CTNNA3: variants seen among roughly 807,000 people sequenced by gnomAD.
CTNNA3 encodes catenin alpha-3.
CTNNA3 carries 76 observed loss-of-function variants against 95.7 expected under a neutral mutation model. That is an observed-to-expected ratio of 0.79 (90% CI 0.66 to 0.96). The LOEUF is 0.96. CTNNA3 is among the 40% of genes least tolerant of loss of function. The pLI is 0.00. For synonymous variants in CTNNA3, 431 were observed against 374.4 expected (o/e 1.15, Z -1.74); for missense variants, 1,191 against 1,089.8 (o/e 1.09, Z -1.31).
intron 9 of CTNNA3, among the ~76,000 whole-genome samples, chr10:66,636,862 T>G (rs1040545504): frequency 6.6e-6 from 1 of 152,132 alleles, no homozygotes; most frequent in African/African-American, 2.4e-5. Flanking sequence ...ACACAAAACA[T>G]TTAGAGCTAT....
At chr10:66,550,815 T>A (rs1157972547) in intron 10 of CTNNA3, among the ~76,000 whole-genome samples, 2 of 148,448 alleles carry the variant, frequency 1.3e-5, no homozygotes, top group African/African-American at 5.2e-5. Flanking sequence ...AAATCTCTGA[T>A]TTTTTTTTCA....
chr10:66,990,204 C>T (rs1037063479), intron 7 of CTNNA3, among the ~76,000 whole-genome samples: 1 of 152,098 alleles, frequency 6.6e-6, no homozygotes, highest in Non-Finnish European at 1.5e-5. Context: ...GGTTCTCTTC[C>T]ATGGCAAAAG....
At chr10:66,021,555 T>C (rs2079209130) in intron 15 of CTNNA3, among the ~76,000 whole-genome samples, 2 of 152,310 alleles carry the variant, frequency 1.3e-5, no homozygotes, top group Middle Eastern at 3.4e-3. Context: ...TTCTTACTGC[T>C]TCATTCATAT....
intron 14 of CTNNA3, among the ~76,000 whole-genome samples, chr10:66,089,466 C>T (rs1354355388): frequency 6.6e-6 from 1 of 151,432 alleles, no homozygotes; most frequent in East Asian, 1.9e-4. Flanking sequence ...ATTCCTTGTG[C>T]CTTTTTTTCT....
At chr10:67,611,295 T>C (rs1399852097) in intron 2 of CTNNA3, among the ~76,000 whole-genome samples, 1 of 152,064 alleles carries the variant, frequency 6.6e-6, no homozygotes, top group African/African-American at 2.4e-5. Flanking sequence ...GCACACAATA[T>C]GAACACTGTA....
chr10:67,671,178 G>C (rs1386924702), intron 1 of CTNNA3, among the ~76,000 whole-genome samples: 1 of 152,040 alleles, frequency 6.6e-6, no homozygotes, highest in Non-Finnish European at 1.5e-5. Context: ...AGACGGTAAA[G>C]CTTTTGCTTT....
intron 7 of CTNNA3, among the ~76,000 whole-genome samples, chr10:67,011,088 G>A (rs1028057271): frequency 6.6e-6 from 1 of 152,080 alleles, no homozygotes; most frequent in Non-Finnish European, 1.5e-5. Flanking sequence ...CCAGCACTTT[G>A]GGAGGCCAAG....
At chr10:67,010,377 G>T (rs895582010) in intron 7 of CTNNA3, among the ~76,000 whole-genome samples, 2 of 151,940 alleles carry the variant, frequency 1.3e-5, no homozygotes, top group Non-Finnish European at 2.9e-5. Context: ...AATATAAAAG[G>T]GTTTATCATT....
chr10:66,628,956 G>C (rs913387924), intron 9 of CTNNA3, among the ~76,000 whole-genome samples: 3 of 151,998 alleles, frequency 2.0e-5, no homozygotes, highest in African/African-American at 7.3e-5. Context: ...GATTATGTGA[G>C]GAGAAAAAGT....
rs866559282 is a variant in CTNNA3, at chr10:66,192,380, G to A, written c.1884+88090C>T. The stretch of plus-strand genomic sequence containing the variant: ...GTGCACATTCAGCAAATATTTGAGT[G>A]CTACAGAATAAGAAGAGCCTTGAGA... On this transcript the variant is annotated intron_variant, in intron 13 of 17. Coordinates refer to ENST00000433211, the MANE Select transcript of CTNNA3 (RefSeq NM_013266.4). Among the ~76,000 whole-genome samples, 11 of 152,148 alleles carry A rather than the reference G, an allele frequency of 7.2e-5. No homozygotes were observed. The South Asian group carries it at 8.3e-4, about 11-fold the overall frequency.
At chr10:66,707,544 A>G (rs1848156741) in intron 9 of CTNNA3, among the ~76,000 whole-genome samples, 1 of 152,084 alleles carries the variant, frequency 6.6e-6, no homozygotes, top group East Asian at 1.9e-4. Flanking sequence ...TCTTAATTGT[A>G]GGAATCCATA....
At chr10:65,933,670 T>G (rs73306007) in intron 17 of CTNNA3, among the ~76,000 whole-genome samples, 5 of 152,142 alleles carry the variant, frequency 3.3e-5, no homozygotes, top group Non-Finnish European at 7.4e-5. Context: ...TGTTCTAAGA[T>G]CCCAGATTCA....
intron 11 of CTNNA3, among the ~76,000 whole-genome samples, chr10:66,443,801 G>A (rs1390659148): frequency 6.6e-6 from 1 of 152,174 alleles, no homozygotes; most frequent in African/African-American, 2.4e-5. Context: ...CTCCTCACCA[G>A]CAACGGAACA....
At chr10:67,426,251 G>A (rs1845919160) in intron 5 of CTNNA3, among the ~76,000 whole-genome samples, 1 of 152,032 alleles carries the variant, frequency 6.6e-6, no homozygotes, top group African/African-American at 2.4e-5. Flanking sequence ...CAACACTTTT[G>A]AAGCAAAGAA....
rs140939050 is a variant in CTNNA3 at position 67,156,673 on chromosome 10, G to A, written c.1047+23644C>T. 9.7e-4 allele frequency among the ~76,000 whole-genome samples: 148 copies of A among 151,890 alleles called. 1 individual carries two copies. The East Asian group carries it at 0.022, about 22-fold the overall frequency. ...AATACTTGGTAAGATTTCAATCTCCGTAAATTTGTTGATACTTGTTTTGTA... is the reference window on the plus strand; with the variant it reads ...AATACTTGGTAAGATTTCAATCTCCATAAATTTGTTGATACTTGTTTTGTA... On this transcript the variant is annotated intron_variant, in intron 7 of 17. Coordinates refer to ENST00000433211, the MANE Select transcript of CTNNA3 (RefSeq NM_013266.4).
intron 15 of CTNNA3, among the ~76,000 whole-genome samples, chr10:66,013,846 T>C (rs1254705811): frequency 6.6e-6 from 1 of 152,180 alleles, no homozygotes; most frequent in East Asian, 1.9e-4. Flanking sequence ...TGCTAATAGC[T>C]TGGCAATTCA....
chr10:65,994,997 T>C (rs1450602620), intron 15 of CTNNA3, among the ~76,000 whole-genome samples: 1 of 152,106 alleles, frequency 6.6e-6, no homozygotes, highest in Non-Finnish European at 1.5e-5. Flanking sequence ...TCCAGAATTT[T>C]TGTTTCTTTT....
At chr10:66,106,851 T>C (rs34433439) in intron 13 of CTNNA3, among the ~76,000 whole-genome samples, 9,450 of 152,276 alleles carry the variant, frequency 0.062, 388 homozygotes, top group Non-Finnish European at 0.097. Flanking sequence ...CCACCAATGT[T>C]TCTGTCCTTT....
chr10:67,155,789 T>C (rs900919429), intron 7 of CTNNA3, among the ~76,000 whole-genome samples: 21 of 152,164 alleles, frequency 1.4e-4, no homozygotes, highest in Non-Finnish European at 5.9e-5. Context: ...CCAAAGTTTG[T>C]CATCCCTAGG....
Sources: allele counts gnomAD v4.1 joint callset (sites outside exome capture counted in the v4.1 genomes callset), GRCh38; gene constraint gnomAD v4.1.1; transcripts MANE v1.5; gene names NCBI Gene and HGNC (gene_info 2026-07-23, HGNC 2026-07-21).